CAGE1: variants seen among roughly 807,000 people sequenced by gnomAD.
CAGE1 encodes cancer-associated gene 1 protein.
In CAGE1, 66 loss-of-function variants were observed where a neutral mutation model predicts 94.9. The ratio of observed to expected loss-of-function variants is 0.70; its 90% CI spans 0.57 to 0.85. The LOEUF is 0.85. CAGE1 is among the 40% of genes least tolerant of loss of function. The pLI is 0.00. For synonymous variants in CAGE1, 319 were observed against 321.0 expected, an observed-to-expected ratio of 0.99 and a Z score of 0.07; for missense variants, 865 against 950.4, an observed-to-expected ratio of 0.91 and a Z score of 1.18.
intron 11 of CAGE1, among the ~76,000 whole-genome samples, chr6:7,344,251 G>A (rs1759314723): frequency 1.3e-5 from 2 of 152,234 alleles, no homozygotes; most frequent in Admixed American, 1.3e-4. Flanking sequence ...GGCTGGGCGT[G>A]GCGCTTGCGG....
rs1760365381 is a variant in CAGE1, at chr6:7,366,968, A to G, written c.2005-1084T>C. ...TCTTATTTATTCCTTCAGTATAATA[A>G]TAATCTTAATATCCAATATTCAAAC... On this transcript the variant is annotated intron_variant, in intron 7 of 13. Coordinates refer to ENST00000502583, the MANE Select transcript of CAGE1 (RefSeq NM_001170692.2). 3.9e-5 allele frequency among the ~76,000 whole-genome samples: 6 copies of G among 152,310 alleles called. No homozygotes were observed. In the South Asian group the frequency reaches 1.2e-3, roughly 32 times the overall value.
intron 10 of CAGE1, among the ~76,000 whole-genome samples, 190 bp downstream of exon 10, chr6:7,355,835 C>G (rs1759933939): frequency 6.6e-6 from 1 of 152,052 alleles, no homozygotes; most frequent in Non-Finnish European, 1.5e-5. Context: ...GACCATGTCT[C>G]TACAAAAATT....
At chr6:7,384,314 T>A (rs1440402038) in intron 3 of CAGE1, among the ~76,000 whole-genome samples, 2 of 152,224 alleles carry the variant, frequency 1.3e-5, no homozygotes, top group Non-Finnish European at 2.9e-5. Flanking sequence ...CCTGACCTCG[T>A]GATCCGCCTG....
chr6:7,386,415 T>C (rs899458724), intron 2 of CAGE1, among the ~76,000 whole-genome samples: 1 of 152,204 alleles, frequency 6.6e-6, no homozygotes, highest in African/African-American at 2.4e-5. Context: ...ACAGGAAAGT[T>C]GTCATTTATA....
chr6:7,385,677 G>A (rs1761096127), intron 3 of CAGE1, 108 bp downstream of exon 3: 1 of 507,672 alleles, frequency 2.0e-6, no homozygotes, highest in Non-Finnish European at 3.4e-6. Flanking sequence ...TGGATTAAGT[G>A]TGATGATGTA....
chr6:7,348,685 G>T (rs1278411926), intron 11 of CAGE1, among the ~76,000 whole-genome samples: 4 of 151,844 alleles, frequency 2.6e-5, no homozygotes, highest in Admixed American at 6.6e-5. Flanking sequence ...GAAGTGAAGG[G>T]AGAAATATTC....
rs1760187550 is a variant in CAGE1 at position 7,362,174 on chromosome 6, T to C, written c.2193+3294A>G. The stretch of plus-strand genomic sequence containing the variant: ...AAGGCTACCAAAATAATAAGTTAGG[T>C]AAATGTTTTACGTAATATATGATTG... On this transcript the variant is annotated intron_variant, in intron 9 of 13. Transcript: ENST00000502583. The surrounding 1 kb of genome is among the most constrained non-coding windows in gnomAD (Gnocchi z 4.1). Among the ~76,000 whole-genome samples the C allele has an allele frequency of 6.6e-6, 1 of 152,246 alleles. No individual in the cohort carries two copies. Among genetic ancestry groups the C allele is most frequent in the Non-Finnish European group, 1.5e-5 (1 of 68,042 alleles).
At chr6:7,361,340 A>G (rs1760158654) in intron 9 of CAGE1, among the ~76,000 whole-genome samples, 2 of 152,202 alleles carry the variant, frequency 1.3e-5, no homozygotes, top group Admixed American at 6.5e-5. Context: ...GGGCCAAGAA[A>G]GTATGTTCCA....
Position 7,378,611 on chromosome 6 carries a change from A to G in CAGE1, c.687+6T>C, listed in dbSNP as rs753526215. ...ATGGTTTTACAATATTATTGTGTAC[A>G]CTTTCCTTACATAAGAAGCTTGGAG... is the stretch of plus-strand genomic sequence containing the variant. On this transcript the variant is annotated splice_donor_region_variant and intron_variant, in intron 4 of 13. Transcript: ENST00000502583. 8 of 1,563,764 alleles carry G rather than the reference A, an allele frequency of 5.1e-6. No homozygotes were observed. In the African/African-American group the frequency reaches 1.1e-4, roughly 22 times the overall value.
intron 9 of CAGE1, among the ~76,000 whole-genome samples, chr6:7,364,576 C>T (rs1760263041): frequency 6.6e-6 from 1 of 152,164 alleles, no homozygotes; most frequent in Non-Finnish European, 1.5e-5. Context: ...TCAAGCGATT[C>T]TCCTGCCTCA....
chr6:7,374,490 T>C (rs1298859153), intron 4 of CAGE1, among the ~76,000 whole-genome samples: 1 of 151,940 alleles, frequency 6.6e-6, no homozygotes, highest in East Asian at 1.9e-4. Flanking sequence ...TCAAATAAAT[T>C]CAGACAAATA....
chr6:7,327,423 G>A (rs2048997050), intron 13 of CAGE1, among the ~76,000 whole-genome samples: 1 of 152,052 alleles, frequency 6.6e-6, no homozygotes, highest in Admixed American at 6.6e-5. Context: ...GAGCTCAGGT[G>A]TGAGCCACCA....
chr6:7,373,932 A>T lies in CAGE1; in HGVS notation c.887T>A (p.Leu296Ter), dbSNP rs761076113. ...MPDWEQSAES[L>*]QPVQEDMALN... ...AGCCATGTCCTCTTGAACAGGTTGT[A>T]AGCTTTCAGCACTTTGCTCCCAGTC... Residue 296 changes from leucine to a stop codon, truncating the protein, a stop_gained, in exon 5 of 14, where the codon TTA (leucine) becomes TAA (stop). Coordinates refer to ENST00000502583, the MANE Select transcript of CAGE1 (RefSeq NM_001170692.2). LOFTEE classifies it high-confidence loss of function. 9 of 1,614,042 alleles carry T rather than the reference A, an allele frequency of 5.6e-6. No homozygotes were observed. Among genetic ancestry groups the T allele is most frequent in the Non-Finnish European group, 7.6e-6 (9 of 1,179,900 alleles).
In CAGE1 at chr6:7,329,851, T is replaced by C. The variant is rs746650741; in HGVS notation, c.2476A>G (p.Met826Val). The change falls in exon 13 of 14, where the codon ATG becomes GTG. Residue 826 changes from methionine (M) to valine (V), a missense_variant and splice_region_variant. Physicochemically the swap from Met to Val is conservative, Grantham distance 21 (BLOSUM62 1). Coordinates refer to ENST00000502583, the MANE Select transcript of CAGE1 (RefSeq NM_001170692.2). The part of the protein sequence containing the change: ...SLENHPKSMT[M>V]MPALFKENRN... ...TCATGATCATCAAGGTGACCTACCA[T>C]GGTCATGGACTTCGGATGATTTTCT... 7.0e-7 allele frequency: 1 copy of C among 1,433,824 alleles called. No homozygotes were observed. Among genetic ancestry groups the C allele is most frequent in the South Asian group, 1.2e-5 (1 of 82,140 alleles). The allele number at this position is 1,433,824 out of a possible 1,614,324, so 88.8% of individuals were successfully genotyped here. A position where few individuals can be genotyped will look rare whatever the true frequency, so the allele number is the denominator to read the frequency against.
At chr6:7,354,425 T>C (rs1759883980) in intron 11 of CAGE1, among the ~76,000 whole-genome samples, 1 of 152,240 alleles carries the variant, frequency 6.6e-6, no homozygotes, top group Non-Finnish European at 1.5e-5. Flanking sequence ...CATGCACTTT[T>C]AATTATTTTG....
At chr6:7,354,533 G>A (rs1321459801) in intron 11 of CAGE1, among the ~76,000 whole-genome samples, 1 of 152,128 alleles carries the variant, frequency 6.6e-6, no homozygotes, top group East Asian at 1.9e-4. Context: ...CAGCATATAT[G>A]AAATTGGGGG....
chr6:7,377,832 A>T (rs1760808273), intron 4 of CAGE1, among the ~76,000 whole-genome samples: 2 of 152,162 alleles, frequency 1.3e-5, no homozygotes, highest in Admixed American at 6.6e-5. Context: ...AGTATTTTTA[A>T]TTTTTTTGTT....
chr6:7,329,079 GCAC>G (rs974485114), intron 13 of CAGE1: 13 of 267,322 alleles, frequency 4.9e-5, no homozygotes, highest in African/African-American at 2.9e-4. Flanking sequence ...TTACAGGCAC[GCAC>G]CACAACATCT....
chr6:7,348,488 G>A (rs931160884), intron 11 of CAGE1, among the ~76,000 whole-genome samples: 1 of 152,122 alleles, frequency 6.6e-6, no homozygotes, highest in African/African-American at 2.4e-5. Context: ...ACCAACTCTG[G>A]TAATATGACA....
Sources: gnomAD v4.1 joint callset for allele counts (sites outside exome capture counted in the v4.1 genomes callset) on GRCh38, gnomAD v4.1.1 for gene constraint, Gnocchi (gnomAD v3.1) non-coding constraint, MANE v1.5 for transcripts, NCBI Gene and HGNC (gene_info 2026-07-23, HGNC 2026-07-21) for gene names.